Variants in MYO1B observed in about 807,000 individuals in gnomAD.
MYO1B encodes the protein myosin IB.
Under a neutral mutation model 159.7 loss-of-function variants are expected in MYO1B, and 72 were observed. The ratio of observed to expected loss-of-function variants is 0.45; its 90% CI spans 0.37 to 0.55. The LOEUF (loss-of-function observed/expected upper bound fraction) is 0.55. Ranked by LOEUF, MYO1B falls within the 20% of genes least tolerant of loss-of-function variation. The pLI is 0.00. For missense variants in MYO1B, 1,062 were observed against 1,364.8 expected (o/e 0.78, Z 3.50); for synonymous variants, 468 against 473.8 (o/e 0.99, Z 0.16).
chr2:191,286,845 A>T (rs1688403242), intron 2 of MYO1B, among the ~76,000 whole-genome samples: 2 of 152,088 alleles, frequency 1.3e-5, no homozygotes, highest in Non-Finnish European at 2.9e-5. Flanking sequence ...AGGTGGGAGG[A>T]TGGCTTGAAC....
intron 8 of MYO1B, 60 bp downstream of exon 8, chr2:191,360,789 G>GTTGTT: frequency 1.5e-6 from 2 of 1,291,004 alleles, no homozygotes; most frequent in African/African-American, 2.9e-5. Context: ...TGTTGTTGTT[G>GTTGTT]GAGCTGGGAG....
intron 20 of MYO1B, among the ~76,000 whole-genome samples, chr2:191,393,653 G>C (rs1281579744): frequency 2.0e-5 from 3 of 152,166 alleles, no homozygotes; most frequent in Non-Finnish European, 4.4e-5. Flanking sequence ...TTTGAAAGTG[G>C]CTTTAATTCC....
chr2:191,306,229 T>A (rs1289101965), intron 3 of MYO1B, among the ~76,000 whole-genome samples: 1 of 152,084 alleles, frequency 6.6e-6, no homozygotes. Flanking sequence ...TTCAGTATCA[T>A]CGTCTAGGGG....
At chr2:191,304,237 T>G (rs531799630) in intron 3 of MYO1B, among the ~76,000 whole-genome samples, 49 of 152,314 alleles carry the variant, frequency 3.2e-4, no homozygotes, top group African/African-American at 1.2e-3. Context: ...ACTTTCAAAG[T>G]TTTCTTCCCA....
chr2:191,418,926 C>A (rs1170900354), intron 30 of MYO1B, among the ~76,000 whole-genome samples: 1 of 152,224 alleles, frequency 6.6e-6, no homozygotes, highest in Non-Finnish European at 1.5e-5. Context: ...GGATAACCTG[C>A]AAGATGTGTA....
At chr2:191,286,586 A>T (rs1476579461) in intron 2 of MYO1B, among the ~76,000 whole-genome samples, 2 of 152,168 alleles carry the variant, frequency 1.3e-5, no homozygotes. Context: ...TATTAGTTTT[A>T]TTAAGACATA....
Position 191,362,337 on chromosome 2 carries a change from G to A in MYO1B, c.731G>A (p.Gly244Glu), listed in dbSNP as rs750680874. The stretch of plus-strand genomic sequence containing the variant: ...AGTCTGGATTCGGCCAAAGTGAATG[G>A]AGTGGATGATGCAGCAAATTTTAGA... ...YLSLDSAKVNGVDDAANFRTV... is the reference protein window; with the variant it reads ...YLSLDSAKVNEVDDAANFRTV... Residue 244 changes from glycine to glutamate, a missense_variant, in exon 9 of 31, where the codon GGA (glycine) becomes GAA (glutamate). Physicochemically the swap from Gly to Glu is moderately conservative, Grantham distance 98 (BLOSUM62 -2). Around this residue, in one of 5 missense-constraint regions of MYO1B, gnomAD observed 415 missense variants for 544.0 expected, o/e 0.76. Coordinates refer to ENST00000392318, the MANE Select transcript of MYO1B (RefSeq NM_001130158.3). The A allele has an allele frequency of 6.2e-7, 1 of 1,613,904 alleles. No individual in the cohort carries two copies. Among genetic ancestry groups the A allele is most frequent in the Non-Finnish European group, 8.5e-7 (1 of 1,179,828 alleles).
intron 9 of MYO1B, 26 bp from the exon 10 acceptor site, chr2:191,363,702 A>G: frequency 6.4e-7 from 1 of 1,570,276 alleles, no homozygotes; most frequent in Non-Finnish European, 8.6e-7. Context: ...AGAAAAAAAT[A>G]GTTGCTTTTT....
intron 13 of MYO1B, among the ~76,000 whole-genome samples, chr2:191,373,156 C>T (rs1473999537): frequency 6.6e-6 from 1 of 152,044 alleles, no homozygotes; most frequent in East Asian, 1.9e-4. Flanking sequence ...GCCTGGCTGC[C>T]TGTGTTACAT....
intron 2 of MYO1B, among the ~76,000 whole-genome samples, chr2:191,284,615 T>A (rs1284102586): frequency 6.6e-6 from 1 of 152,156 alleles, no homozygotes; most frequent in Non-Finnish European, 1.5e-5. Context: ...ATCACTTTTT[T>A]TTTGAGGTTT....
In MYO1B at chr2:191,393,156, C is replaced by T; in HGVS notation, c.2160C>T (p.Cys720=). 1.9e-6 allele frequency: 3 copies of T among 1,614,026 alleles called. No individual in the cohort carries two copies. The highest frequency in any genetic ancestry group is 2.5e-6 in the Non-Finnish European group (3 of 1,179,966). The change falls in exon 20 of 31, where the codon TGC becomes TGT. Residue 720 remains cysteine (C), a synonymous_variant. Coordinates refer to ENST00000392318, the MANE Select transcript of MYO1B (RefSeq NM_001130158.3). ...LIQKIYRGWK[C]RTHFLLMKKS... ...AGAAGATATATCGGGGGTGGAAATG[C>T]CGCACACACTTCCTGCTAATGAAAA...
At chr2:191,286,463 G>T (rs1688380356) in intron 2 of MYO1B, among the ~76,000 whole-genome samples, 1 of 152,202 alleles carries the variant, frequency 6.6e-6, no homozygotes, top group South Asian at 2.1e-4. Context: ...CAGGGTCTCA[G>T]ACCCAGGAAG....
intron 3 of MYO1B, among the ~76,000 whole-genome samples, chr2:191,324,364 T>C (rs531451000): frequency 5.3e-5 from 8 of 152,172 alleles, no homozygotes; most frequent in Non-Finnish European, 1.2e-4. Context: ...ATTTGAATTT[T>C]TTATTCGTAT....
intron 13 of MYO1B, among the ~76,000 whole-genome samples, chr2:191,378,735 G>A (rs1324998174): frequency 6.6e-6 from 1 of 152,104 alleles, no homozygotes; most frequent in Non-Finnish European, 1.5e-5. Context: ...ATTTTGGGGG[G>A]TGGTATGGAG....
intron 13 of MYO1B, among the ~76,000 whole-genome samples, chr2:191,373,607 C>T (rs1231959557): frequency 1.3e-5 from 2 of 152,176 alleles, no homozygotes; most frequent in African/African-American, 4.8e-5. Context: ...AACCCTGTCT[C>T]TACTAAAAAA....
intron 1 of MYO1B, among the ~76,000 whole-genome samples, chr2:191,269,966 G>T (rs578184342): frequency 6.6e-6 from 1 of 152,240 alleles, no homozygotes; most frequent in African/African-American, 2.4e-5. Flanking sequence ...GAAATGTGTT[G>T]AGCTGTTAGA....
At chr2:191,413,057 A>C (rs1697346083) in intron 27 of MYO1B, among the ~76,000 whole-genome samples, 1 of 152,214 alleles carries the variant, frequency 6.6e-6, no homozygotes, top group Non-Finnish European at 1.5e-5. Flanking sequence ...AGTCCTGCCC[A>C]CCAAATGCCA....
intron 2 of MYO1B, among the ~76,000 whole-genome samples, chr2:191,281,031 C>T (rs760171678): frequency 3.3e-5 from 5 of 152,142 alleles, no homozygotes; most frequent in Non-Finnish European, 5.9e-5. Flanking sequence ...GAAATTTTGC[C>T]GAAATGTTTA....
chr2:191,387,308 C>A lies in MYO1B; in HGVS notation c.1639C>A (p.His547Asn). ...GTCCCAAGCCATGTGGAAGGCCAGC[C>A]ATGCCCTCATCAAGTCTTTGTTCCC... Reference protein sequence around the residue: ...DLSQAMWKASHALIKSLFPEG... With the variant: ...DLSQAMWKASNALIKSLFPEG... The change falls in exon 17 of 31, where the codon CAT becomes AAT. Residue 547 changes from histidine (H) to asparagine (N), a missense_variant. Coordinates refer to ENST00000392318, the MANE Select transcript of MYO1B (RefSeq NM_001130158.3). 6.2e-7 allele frequency: 1 copy of A among 1,614,194 alleles called. No homozygotes were observed. Among genetic ancestry groups the A allele is most frequent in the Non-Finnish European group, 8.5e-7 (1 of 1,180,038 alleles).
Sources: allele counts gnomAD v4.1 joint callset (sites outside exome capture counted in the v4.1 genomes callset), GRCh38; gene constraint gnomAD v4.1.1; regional missense constraint gnomAD v4.1.1; transcripts MANE v1.5; gene names NCBI Gene and HGNC (gene_info 2026-07-23, HGNC 2026-07-21).